SLIT2: variants seen among roughly 807,000 people sequenced by gnomAD.
SLIT2 encodes the protein slit homolog 2 protein.
SLIT2 carries 41 observed loss-of-function variants against 185.7 expected under a neutral mutation model. The ratio of observed to expected loss-of-function variants is 0.22; its 90% CI spans 0.17 to 0.29. The LOEUF (loss-of-function observed/expected upper bound fraction) is 0.29, where lower values mean the gene tolerates loss of function less well. Ranked by LOEUF, SLIT2 falls within the 10% of genes least tolerant of loss-of-function variation. The pLI is 1.00. For synonymous variants in SLIT2, 693 were observed against 680.2 expected (o/e 1.02, Z -0.29); for missense variants, 1,571 against 1,909.0 (o/e 0.82, Z 3.30).
chr4:20,546,878 A>G (rs1723297818), intron 22 of SLIT2, among the ~76,000 whole-genome samples: 1 of 152,154 alleles, frequency 6.6e-6, no homozygotes, highest in African/African-American at 2.4e-5. Flanking sequence ...ACAAAAAATC[A>G]GGAAAAAGAT....
intron 26 of SLIT2, 69 bp downstream of exon 26, chr4:20,554,037 A>T: frequency 7.8e-7 from 1 of 1,280,774 alleles, no homozygotes. Context: ...AAAGACAACC[A>T]ATTGTCAATC....
rs893218495 is a variant in SLIT2 at position 20,579,808 on chromosome 4, T to C, written c.3089-9836T>C. On this transcript the variant is annotated intron_variant, in intron 29 of 36. Coordinates refer to ENST00000504154, the MANE Select transcript of SLIT2 (RefSeq NM_004787.4). ...TTATTGTTAACTCTCATGGACCATA[T>C]ACTATCTTCATTATTCATTCATTTG... 9.2e-5 allele frequency among the ~76,000 whole-genome samples: 14 copies of C among 151,822 alleles called. No individual in the cohort carries two copies. The South Asian group carries it at 1.5e-3, about 16-fold the overall frequency.
intron 4 of SLIT2, among the ~76,000 whole-genome samples, chr4:20,337,187 G>A (rs1720577888): frequency 6.6e-6 from 1 of 152,116 alleles, no homozygotes; most frequent in African/African-American, 2.4e-5. Context: ...ATTTATACAG[G>A]AAAAAGGGTT....
At position 20,257,920 on chromosome 4, in the gene SLIT2, C is replaced by G; in HGVS notation, c.304C>G (p.Leu102Val). 1 of 1,544,012 alleles carries G rather than the reference C, an allele frequency of 6.5e-7. No homozygotes were observed. Among genetic ancestry groups the G allele is most frequent in the Non-Finnish European group, 8.9e-7 (1 of 1,119,654 alleles). Residue 102 changes from leucine to valine, a missense_variant, in exon 3 of 37, where the codon CTT (leucine) becomes GTT (valine). Physicochemically the swap from Leu to Val is conservative, Grantham distance 32. Transcript: ENST00000504154. The part of the protein sequence containing the change: ...STIERGAFQD[L>V]KELERLRLNR... Reference sequence around the variant, plus strand: ...CATTGAAAGAGGAGCATTCCAGGATCTTAAAGAACTAGAGAGACTGTAAGT... The same window carrying G: ...CATTGAAAGAGGAGCATTCCAGGATGTTAAAGAACTAGAGAGACTGTAAGT...
intron 34 of SLIT2, among the ~76,000 whole-genome samples, chr4:20,613,352 C>T (rs1228005573): frequency 6.6e-6 from 1 of 152,170 alleles, no homozygotes; most frequent in African/African-American, 2.4e-5. Flanking sequence ...ATGCCCTTGG[C>T]AGGAACATGG....
At chr4:20,276,744 G>A (rs1479443686) in intron 4 of SLIT2, among the ~76,000 whole-genome samples, 1 of 152,150 alleles carries the variant, frequency 6.6e-6, no homozygotes, top group Non-Finnish European at 1.5e-5. Context: ...CACAGAGAAA[G>A]GTTGATTGCT....
chr4:20,529,107 C>T lies in SLIT2; in HGVS notation c.1613+8C>T. The T allele has an allele frequency of 1.3e-6, 2 of 1,569,876 alleles. No individual in the cohort carries two copies. Among genetic ancestry groups the T allele is most frequent in the Non-Finnish European group, 1.7e-6 (2 of 1,151,288 alleles). The stretch of plus-strand genomic sequence containing the variant: ...CCAGTACACTGCAGAGTTGTAAGTT[C>T]ATCCCCCAACAAAATTCTGGTTGGG... On this transcript the variant is annotated splice_region_variant and intron_variant, in intron 16 of 36. Coordinates refer to ENST00000504154, the MANE Select transcript of SLIT2 (RefSeq NM_004787.4).
At chr4:20,324,958 A>G (rs1424638694) in intron 4 of SLIT2, among the ~76,000 whole-genome samples, 2 of 152,082 alleles carry the variant, frequency 1.3e-5, no homozygotes, top group Non-Finnish European at 2.9e-5. Context: ...TTTTTGGTCT[A>G]GTTTTCAACT....
intron 3 of SLIT2, among the ~76,000 whole-genome samples, chr4:20,266,392 G>A (rs1030783852): frequency 7.9e-5 from 12 of 151,918 alleles, no homozygotes; most frequent in African/African-American, 2.9e-4. Flanking sequence ...ATGGAAAGGA[G>A]GAAACTATTG....
In SLIT2 at chr4:20,619,122, G is replaced by A; in HGVS notation, c.*113G>A. 7 of 1,060,400 alleles carry A rather than the reference G, an allele frequency of 6.6e-6. No individual in the cohort carries two copies. Among genetic ancestry groups the A allele is most frequent in the East Asian group, 2.8e-5 (1 of 36,268 alleles). The allele number at this position is 1,060,400 out of a possible 1,614,324, so 65.7% of individuals were successfully genotyped here. ...GAAATATATTGTAAAATACAGAACAGACTTATTTTTATTATGAGAATAAAG... is the reference window on the plus strand; with the variant it reads ...GAAATATATTGTAAAATACAGAACAAACTTATTTTTATTATGAGAATAAAG... On this transcript the variant is annotated 3_prime_UTR_variant, in exon 37 of 37. Transcript: ENST00000504154.
intron 4 of SLIT2, among the ~76,000 whole-genome samples, chr4:20,413,081 T>C (rs537498226): frequency 1.3e-5 from 2 of 152,126 alleles, no homozygotes; most frequent in South Asian, 2.1e-4. Context: ...GTAATAATGG[T>C]AAATATCCTG....
At chr4:20,536,079 C>T (rs1577878376) in intron 18 of SLIT2, among the ~76,000 whole-genome samples, 1 of 152,090 alleles carries the variant, frequency 6.6e-6, no homozygotes, top group East Asian at 1.9e-4. Context: ...TGTATCTAAA[C>T]ATACTAAACA....
intron 33 of SLIT2, among the ~76,000 whole-genome samples, chr4:20,599,191 G>A (rs910371959): frequency 1.3e-5 from 2 of 152,174 alleles, no homozygotes; most frequent in African/African-American, 4.8e-5. Context: ...GTTTTCTAAT[G>A]ATTAATGATA....
In SLIT2 at chr4:20,318,188, C is replaced by A. The variant is rs1475134971; in HGVS notation, c.395+49307C>A. On this transcript the variant is annotated intron_variant, in intron 4 of 36. Transcript: ENST00000504154. Reference sequence around the variant, plus strand: ...AGTGTAGGCTTACATTGTTGATCCCCTCAGTAGATGCAATGTAATCCACTT... The same window carrying A: ...AGTGTAGGCTTACATTGTTGATCCCATCAGTAGATGCAATGTAATCCACTT... Among the ~76,000 whole-genome samples, 24 of 152,082 alleles carry A rather than the reference C, an allele frequency of 1.6e-4. 1 individual carries two copies. Among genetic ancestry groups the A allele is most frequent in the Admixed American group, 1.6e-3 (24 of 15,266 alleles).
intron 4 of SLIT2, among the ~76,000 whole-genome samples, chr4:20,380,518 T>C (rs1724412264): frequency 6.6e-6 from 1 of 152,110 alleles, no homozygotes; most frequent in Non-Finnish European, 1.5e-5. Context: ...TTAGGTATTG[T>C]AATTATACTC....
chr4:20,310,683 C>G (rs1220812424), intron 4 of SLIT2, among the ~76,000 whole-genome samples: 1 of 152,166 alleles, frequency 6.6e-6, no homozygotes, highest in African/African-American at 2.4e-5. Flanking sequence ...ATCCTAAACC[C>G]ACGCCCCTGC....
chr4:20,612,237 T>A, intron 34 of SLIT2, among the ~76,000 whole-genome samples: 1 of 111,044 alleles, frequency 9.0e-6, no homozygotes. Flanking sequence ...AGCCAGACAC[T>A]ATCTCAAGAA....
chr4:20,531,334 A>T (rs1315054192), intron 16 of SLIT2, among the ~76,000 whole-genome samples: 1 of 152,230 alleles, frequency 6.6e-6, no homozygotes, highest in African/African-American at 2.4e-5. Flanking sequence ...AACAGGAATA[A>T]GACATTACAC....
chr4:20,472,502 CTA>C (rs1491523426), intron 5 of SLIT2, among the ~76,000 whole-genome samples: 351 of 9,734 alleles, frequency 0.036, 22 homozygotes, highest in East Asian at 0.15. Flanking sequence ...AGATATATAT[CTA>C]TATATAGATA....
Sources: gnomAD v4.1 joint callset for allele counts (sites outside exome capture counted in the v4.1 genomes callset) on GRCh38, gnomAD v4.1.1 for gene constraint, MANE v1.5 for transcripts, NCBI Gene and HGNC (gene_info 2026-07-23, HGNC 2026-07-21) for gene names.